TBC1D5: variants seen among roughly 807,000 people sequenced by gnomAD.
TBC1D5 encodes TBC1 domain family, member 5.
TBC1D5 carries 75 observed loss-of-function variants against 100.3 expected under a neutral mutation model. The observed-to-expected ratio is 0.75, with a 90% confidence interval of 0.62 to 0.91. The LOEUF is 0.91. Ranked by LOEUF, TBC1D5 falls within the 40% of genes least tolerant of loss-of-function variation. TBC1D5 has a pLI of 0.00. For synonymous variants in TBC1D5, 323 were observed against 325.6 expected, an observed-to-expected ratio of 0.99 and a Z score of 0.09; for missense variants, 910 against 942.4, an observed-to-expected ratio of 0.97 and a Z score of 0.45.
intron 2 of TBC1D5, among the ~76,000 whole-genome samples, chr3:17,529,153 G>A (rs1429515865): frequency 1.3e-5 from 2 of 152,014 alleles, no homozygotes; most frequent in Non-Finnish European, 2.9e-5. Flanking sequence ...CTACTCACAG[G>A]CTGAAATTTC....
At chr3:17,317,671 C>A (rs2084867099) in intron 13 of TBC1D5, among the ~76,000 whole-genome samples, 1 of 152,110 alleles carries the variant, frequency 6.6e-6, no homozygotes, top group South Asian at 2.1e-4. Context: ...TTTTAATGCA[C>A]AGAAGATCAC....
At chr3:17,704,521 C>A (rs1216214005) in intron 1 of TBC1D5, among the ~76,000 whole-genome samples, 2 of 99,252 alleles carry the variant, frequency 2.0e-5, no homozygotes, top group African/African-American at 7.3e-5. Context: ...CCCCTCACCT[C>A]CCGGACGGGG....
At chr3:17,600,557 T>C (rs2060865961) in intron 2 of TBC1D5, among the ~76,000 whole-genome samples, 1 of 152,136 alleles carries the variant, frequency 6.6e-6, no homozygotes, top group Non-Finnish European at 1.5e-5. Flanking sequence ...AAAATAATAA[T>C]ATTCAAAATT....
chr3:17,238,223 G>A lies in TBC1D5; in HGVS notation c.1528C>T (p.Gln510Ter), dbSNP rs573395545. 1.2e-6 allele frequency: 2 copies of A among 1,613,964 alleles called. No individual in the cohort carries two copies. Among genetic ancestry groups the A allele is most frequent in the South Asian group, 2.2e-5 (2 of 91,078 alleles). Residue 510 changes from glutamine (Q) to a stop codon, truncating the protein, a stop_gained, in exon 17 of 22, where the codon CAG becomes TAG. Transcript: ENST00000253692. LOFTEE classifies it high-confidence loss of function. ...ATCAGCCTCTGCTGCTGCTGTTGCT[G>A]TTGCAAGTGATGGCTTGGGGCCTCT...
intron 1 of TBC1D5, among the ~76,000 whole-genome samples, chr3:17,700,458 C>G (rs1037238817): frequency 6.6e-6 from 1 of 152,156 alleles, no homozygotes; most frequent in African/African-American, 2.4e-5. Context: ...GCAATGACAA[C>G]AAAAGCCAAA....
At chr3:17,165,103 C>T (rs578004764) in intron 21 of TBC1D5, among the ~76,000 whole-genome samples, 10 of 152,230 alleles carry the variant, frequency 6.6e-5, no homozygotes, top group South Asian at 6.2e-4. Flanking sequence ...GTGATGAGGC[C>T]GTGCCAGAAC....
chr3:17,564,039 C>T (rs1429290194), intron 2 of TBC1D5, among the ~76,000 whole-genome samples: 1 of 152,192 alleles, frequency 6.6e-6, no homozygotes, highest in Non-Finnish European at 1.5e-5. Flanking sequence ...GCCTTGGCCT[C>T]CCAAAGTGCT....
intron 19 of TBC1D5, among the ~76,000 whole-genome samples, chr3:17,172,758 CT>C (rs1449827730): frequency 2.0e-5 from 3 of 152,174 alleles, no homozygotes; most frequent in African/African-American, 7.2e-5. Context: ...AAACAAACCA[CT>C]TTTTCAATTT....
At chr3:17,583,552 C>G (rs2096713500) in intron 2 of TBC1D5, among the ~76,000 whole-genome samples, 1 of 152,038 alleles carries the variant, frequency 6.6e-6, no homozygotes, top group Non-Finnish European at 1.5e-5. Flanking sequence ...ATGGAAAAAC[C>G]CCGTCTCTAC....
chr3:17,273,065 C>T (rs1228128190), intron 15 of TBC1D5, among the ~76,000 whole-genome samples: 3 of 152,134 alleles, frequency 2.0e-5, no homozygotes, highest in Admixed American at 2.0e-4. Context: ...TGAAAGAGCA[C>T]TTTAATTTCC....
intron 13 of TBC1D5, among the ~76,000 whole-genome samples, chr3:17,369,938 T>C (rs2092373564): frequency 6.6e-6 from 1 of 152,204 alleles, no homozygotes; most frequent in Non-Finnish European, 1.5e-5. Context: ...TAAAATATAA[T>C]GAGCTAAATG....
intron 15 of TBC1D5, among the ~76,000 whole-genome samples, chr3:17,280,388 G>C (rs966001154): frequency 3.9e-5 from 6 of 152,082 alleles, no homozygotes; most frequent in African/African-American, 1.2e-4. Context: ...AAACATCCCT[G>C]TTTTCCCGCT....
intron 2 of TBC1D5, among the ~76,000 whole-genome samples, chr3:17,615,280 G>C (rs771606226): frequency 5.3e-5 from 8 of 152,156 alleles, no homozygotes; most frequent in Non-Finnish European, 1.0e-4. Context: ...GCTGGATTCA[G>C]TTTGTCAGTA....
chr3:17,441,667 T>A (rs971294114), intron 3 of TBC1D5, among the ~76,000 whole-genome samples: 2 of 152,240 alleles, frequency 1.3e-5, no homozygotes, highest in Non-Finnish European at 2.9e-5. Context: ...GAGAAGCTAC[T>A]GGAAAGTTAT....
intron 1 of TBC1D5, among the ~76,000 whole-genome samples, chr3:17,697,157 G>A (rs1370198518): frequency 6.6e-6 from 1 of 152,152 alleles, no homozygotes; most frequent in African/African-American, 2.4e-5. Flanking sequence ...CATACCGAAT[G>A]GGCAACAACC....
At chr3:17,634,583 G>A (rs1188628492) in intron 1 of TBC1D5, among the ~76,000 whole-genome samples, 1 of 150,254 alleles carries the variant, frequency 6.7e-6, no homozygotes, top group African/African-American at 2.4e-5. Context: ...GCTGGGAAGC[G>A]TAGCAGGAAG....
chr3:17,634,039 T>A (rs531394447), intron 1 of TBC1D5, among the ~76,000 whole-genome samples: 7 of 152,222 alleles, frequency 4.6e-5, no homozygotes, highest in Non-Finnish European at 8.8e-5. Flanking sequence ...ACAGGTAAAA[T>A]GGCTTATAGT....
intron 15 of TBC1D5, among the ~76,000 whole-genome samples, chr3:17,266,037 T>C (rs1473070529): frequency 2.0e-5 from 3 of 152,292 alleles, no homozygotes; most frequent in Non-Finnish European, 4.4e-5. Context: ...GTTCCCTCTC[T>C]GGTTCACTAG....
intron 3 of TBC1D5, among the ~76,000 whole-genome samples, chr3:17,431,772 T>TA (rs2094451400): frequency 1.3e-5 from 2 of 152,074 alleles, no homozygotes; most frequent in Admixed American, 1.3e-4. Context: ...GTATCTAACT[T>TA]ACTAAGCCAG....
Sources: allele counts gnomAD v4.1 joint callset (sites outside exome capture counted in the v4.1 genomes callset), GRCh38; gene constraint gnomAD v4.1.1; transcripts MANE v1.5; gene names NCBI Gene and HGNC (gene_info 2026-07-23, HGNC 2026-07-21).